The following RUSC2 variants were observed in gnomAD, a reference collection of about 807,000 sequenced individuals.
RUSC2 encodes the protein RUN and SH3 domain containing 2.
A neutral mutation model predicts 122.2 loss-of-function variants in RUSC2; 34 were observed. The ratio of observed to expected loss-of-function variants is 0.28; its 90% CI spans 0.21 to 0.37. The LOEUF is 0.37. RUSC2 is among the 10% of genes least tolerant of loss of function. The pLI is 1.00. For synonymous variants in RUSC2, 784 were observed against 790.0 expected (o/e 0.99, Z 0.13); for missense variants, 1,747 against 1,952.4 (o/e 0.89, Z 1.98).
chr9:35,496,401 G>C (rs1440221326), intron 1 of RUSC2, among the ~76,000 whole-genome samples: 1 of 152,092 alleles, frequency 6.6e-6, no homozygotes, highest in Non-Finnish European at 1.5e-5. Flanking sequence ...TTTCTACAAA[G>C]GCTCCCCAAG....
intron 1 of RUSC2, among the ~76,000 whole-genome samples, chr9:35,516,022 A>AAAAAAAAAAAAAAGAG (rs1554724501): frequency 1.0e-4 from 13 of 127,204 alleles, no homozygotes; most frequent in Admixed American, 5.8e-4. Context: ...AAAAAAAAAA[A>AAAAAAAAAAAAAAGAG]AGAGAAATGC....
intron 1 of RUSC2, among the ~76,000 whole-genome samples, chr9:35,521,007 T>C (rs1021723370): frequency 1.3e-5 from 2 of 152,090 alleles, no homozygotes; most frequent in South Asian, 2.1e-4. Context: ...TCAAAAGAAA[T>C]AGGGTTTACA....
At chr9:35,517,343 G>C (rs1181698519) in intron 1 of RUSC2, among the ~76,000 whole-genome samples, 1 of 152,218 alleles carries the variant, frequency 6.6e-6, no homozygotes, top group Non-Finnish European at 1.5e-5. Flanking sequence ...CTGAAGGCTT[G>C]TGTTAGGTTT....
rs979412133 is a variant in RUSC2, at chr9:35,561,669, C to A, written c.*287C>A. 1 of 535,368 alleles carries A rather than the reference C, an allele frequency of 1.9e-6. No individual in the cohort carries two copies. Among genetic ancestry groups the A allele is most frequent in the African/African-American group, 1.9e-5 (1 of 52,930 alleles). 33.2% of individuals were successfully genotyped at this position (535,368 alleles called of 1,614,324 possible). On this transcript the variant is annotated 3_prime_UTR_variant, in exon 12 of 12. Coordinates refer to ENST00000361226, the MANE Select transcript of RUSC2 (RefSeq NM_014806.5). Reference sequence around the variant, plus strand: ...CTTCCATGGGTGAAGACAAGCAAGTCCCCCTGGAGGCGGGTGGCCCAGAAA... The same window carrying A: ...CTTCCATGGGTGAAGACAAGCAAGTACCCCTGGAGGCGGGTGGCCCAGAAA...
rs544797957 is a variant in RUSC2, at chr9:35,515,999, CAAAAAAAA to C, written c.-93+25844_-93+25851del. Among the ~76,000 whole-genome samples, 349 of 47,214 alleles carry C rather than the reference CAAAAAAAA, an allele frequency of 7.4e-3. 6 individuals are homozygous for C. Among genetic ancestry groups the C allele is most frequent in the African/African-American group, 0.033 (335 of 10,126 alleles). 31.0% of individuals were successfully genotyped at this position (47,214 alleles called of 152,430 possible). ...GAGCGACACAGCGAGATTCTTGTCT[CAAAAAAAA>C]AAAAAAAAAAAAAAAAGAGAAATGC... On this transcript the variant is annotated intron_variant, in intron 1 of 11. Coordinates refer to ENST00000361226, the MANE Select transcript of RUSC2 (RefSeq NM_014806.5).
chr9:35,492,529 G>A (rs183106246), intron 1 of RUSC2, among the ~76,000 whole-genome samples: 33 of 151,674 alleles, frequency 2.2e-4, no homozygotes, highest in Admixed American at 5.9e-4. Context: ...AAATGAGTCC[G>A]TCATACGAAA....
In RUSC2 at chr9:35,556,115, C is replaced by T; in HGVS notation, c.2820C>T (p.Ser940=). The T allele has an allele frequency of 6.2e-7, 1 of 1,614,166 alleles. No individual in the cohort carries two copies. Among genetic ancestry groups the T allele is most frequent in the South Asian group, 1.1e-5 (1 of 91,078 alleles). ...TCCCTGGCTCCCTCAGTGCTGCCAG[C>T]CATCTGAACTGCCGGCTGAATGGTG... ...FEFPGSLSAA[S]HLNCRLNGQA... Residue 940 remains serine, a synonymous_variant, in exon 4 of 12, where the codon AGC becomes AGT. Transcript: ENST00000361226.
At chr9:35,544,336 T>A (rs1033700225) in intron 1 of RUSC2, among the ~76,000 whole-genome samples, 1 of 123,534 alleles carries the variant, frequency 8.1e-6, no homozygotes, top group Non-Finnish European at 1.6e-5. Context: ...TGAGACAGAG[T>A]CTCACTCTGT....
At chr9:35,498,304 T>C (rs1253615548) in intron 1 of RUSC2, among the ~76,000 whole-genome samples, 1 of 152,004 alleles carries the variant, frequency 6.6e-6, no homozygotes, top group Admixed American at 6.6e-5. Context: ...TTTGGGAGGC[T>C]GAGGCAGGCA....
chr9:35,512,362 T>G lies in RUSC2; in HGVS notation c.-93+22190T>G, dbSNP rs1043725054. 2.0e-5 allele frequency among the ~76,000 whole-genome samples: 3 copies of G among 152,242 alleles called. No homozygotes were observed. In the South Asian group the frequency reaches 6.2e-4, roughly 32 times the overall value. On this transcript the variant is annotated intron_variant, in intron 1 of 11. Transcript: ENST00000361226. ...AACTTTGAATATAATTTGAATCTTT[T>G]AAAACAACATTTAGCTTTCTCAATG... is the stretch of plus-strand genomic sequence containing the variant.
At chr9:35,517,307 A>G (rs1821127065) in intron 1 of RUSC2, among the ~76,000 whole-genome samples, 1 of 152,166 alleles carries the variant, frequency 6.6e-6, no homozygotes, top group Non-Finnish European at 1.5e-5. Context: ...CTAACCCAAT[A>G]CTCAGGGATC....
chr9:35,521,962 C>T (rs1427491889), intron 1 of RUSC2, among the ~76,000 whole-genome samples: 1 of 152,234 alleles, frequency 6.6e-6, no homozygotes, highest in Non-Finnish European at 1.5e-5. Context: ...CAGGTGCTCT[C>T]AGCATCTAAG....
chr9:35,554,966 G>GCCCCTCT (rs1821976631), intron 2 of RUSC2, 94 bp from the exon 3 acceptor site: 7 of 1,453,402 alleles, frequency 4.8e-6, no homozygotes, highest in South Asian at 1.1e-5. Context: ...CCAGGTCCCT[G>GCCCCTCT]CCCCTCTCCC....
rs145643428 is a variant in RUSC2, at chr9:35,529,203, G to A, written c.-92-17227G>A. On this transcript the variant is annotated intron_variant, in intron 1 of 11. Coordinates refer to ENST00000361226, the MANE Select transcript of RUSC2 (RefSeq NM_014806.5). ...AGAGATATAAAGAAAATGCATAACT[G>A]TTATTCTGGGGCAAGAGTTGGCAAA... Among the ~76,000 whole-genome samples the A allele has an allele frequency of 8.3e-4, 126 of 152,262 alleles. 4 individuals carry two copies. The East Asian group carries it at 0.018, about 21-fold the overall frequency.
intron 1 of RUSC2, among the ~76,000 whole-genome samples, chr9:35,534,979 T>C (rs1268240681): frequency 6.6e-6 from 1 of 152,120 alleles, no homozygotes; most frequent in Non-Finnish European, 1.5e-5. Context: ...AGTTTATGTT[T>C]TTTTTTTTAT....
At chr9:35,540,432 G>C (rs1383407942) in intron 1 of RUSC2, among the ~76,000 whole-genome samples, 1 of 152,168 alleles carries the variant, frequency 6.6e-6, no homozygotes, top group Admixed American at 6.5e-5. Context: ...CAAAAACATA[G>C]GATAATAGGA....
chr9:35,496,468 C>G (rs1199621743), intron 1 of RUSC2, among the ~76,000 whole-genome samples: 1 of 152,206 alleles, frequency 6.6e-6, no homozygotes, highest in African/African-American at 2.4e-5. Flanking sequence ...TTATCCCGCT[C>G]TATCAAGCTT....
intron 1 of RUSC2, among the ~76,000 whole-genome samples, chr9:35,515,191 T>C (rs992140734): frequency 6.6e-6 from 1 of 151,890 alleles, no homozygotes; most frequent in African/African-American, 2.4e-5. Flanking sequence ...AGAGACTTAT[T>C]TGGCTACGAG....
In RUSC2 at chr9:35,546,752, T is replaced by A. The variant is rs1048647344; in HGVS notation, c.231T>A (p.Thr77=). The A allele has an allele frequency of 6.3e-7, 1 of 1,586,862 alleles. No individual in the cohort carries two copies. Among genetic ancestry groups the A allele is most frequent in the African/African-American group, 1.3e-5 (1 of 74,432 alleles). ...GCCTGCACTCTACTCCAGGAGGAAC[T>A]GCACGGTCTATAGACAGCACCAAGA... ...FSSLHSTPGG[T]ARSIDSTKSR... The change falls in exon 2 of 12, where the codon ACT becomes ACA. Residue 77 remains threonine (T), a synonymous_variant. Transcript: ENST00000361226. The surrounding 1 kb of genome is among the most constrained non-coding windows in gnomAD (Gnocchi z 4.3).
Sources: gnomAD v4.1 joint callset for allele counts (sites outside exome capture counted in the v4.1 genomes callset) on GRCh38, gnomAD v4.1.1 for gene constraint, Gnocchi (gnomAD v3.1) non-coding constraint, MANE v1.5 for transcripts, NCBI Gene and HGNC (gene_info 2026-07-23, HGNC 2026-07-21) for gene names.